PLEKHA8: variants seen among roughly 807,000 people sequenced by gnomAD.
The protein encoded by PLEKHA8 is pleckstrin homology domain-containing family A member 8.
A neutral mutation model predicts 68.2 loss-of-function variants in PLEKHA8; 36 were observed. That is an observed-to-expected ratio of 0.53 (90% CI 0.40 to 0.70). The LOEUF (loss-of-function observed/expected upper bound fraction) is 0.70. Ranked by LOEUF, PLEKHA8 falls within the 30% of genes least tolerant of loss-of-function variation. PLEKHA8 has a pLI of 0.00. For synonymous variants in PLEKHA8, 211 were observed against 216.1 expected (o/e 0.98, Z 0.20); for missense variants, 505 against 615.4 (o/e 0.82, Z 1.90).
downstream of PLEKHA8, among the ~76,000 whole-genome samples, chr7:30,089,035 C>T (rs1050261620): frequency 2.2e-4 from 34 of 152,158 alleles, no homozygotes; most frequent in Non-Finnish European, 2.1e-4. Context: ...CTGTGTCCCC[C>T]GTACATACAG....
intron 12 of PLEKHA8, among the ~76,000 whole-genome samples, chr7:30,065,478 A>G (rs1562526133): frequency 6.6e-6 from 1 of 151,920 alleles, no homozygotes; most frequent in African/African-American, 2.4e-5. Context: ...TTTTTGAGAA[A>G]TGTTTACACA....
intron 13 of PLEKHA8, among the ~76,000 whole-genome samples, chr7:30,115,608 T>C (rs796162738): frequency 6.6e-6 from 1 of 150,486 alleles, no homozygotes; most frequent in Non-Finnish European, 1.5e-5. Context: ...ATACATACAT[T>C]TATACATGCA....
chr7:30,079,116 G>A lies in PLEKHA8; in HGVS notation c.*329G>A. On this transcript the variant is annotated 3_prime_UTR_variant, in exon 14 of 14. Coordinates refer to ENST00000449726, the MANE Select transcript of PLEKHA8 (RefSeq NM_001197026.2). ...ATTGTTTTTATATTTTAGTCTAATG[G>A]GCCACCCAAACCCAAGCTGAAAATC... The A allele has an allele frequency of 2.9e-6, 3 of 1,032,326 alleles. No individual in the cohort carries two copies. Among genetic ancestry groups the A allele is most frequent in the South Asian group, 4.1e-5 (1 of 24,554 alleles). 63.9% of individuals were successfully genotyped at this position (1,032,326 alleles called of 1,614,324 possible). A position where few individuals can be genotyped will look rare whatever the true frequency, so the allele number is the denominator to read the frequency against.
At chr7:30,072,575 T>C (rs1236085482) in intron 12 of PLEKHA8, among the ~76,000 whole-genome samples, 2 of 152,266 alleles carry the variant, frequency 1.3e-5, no homozygotes, top group East Asian at 1.9e-4. Flanking sequence ...TGACTTCCCT[T>C]GGCAATGTCC....
chr7:30,030,899 ACT>A (rs923412384), intron 1 of PLEKHA8, among the ~76,000 whole-genome samples: 1 of 152,098 alleles, frequency 6.6e-6, no homozygotes, highest in African/African-American at 2.4e-5. Context: ...TTAAAAAGTA[ACT>A]TTTTTTTTCT....
rs199699634 is a variant in PLEKHA8, at chr7:30,113,010, C to G, written c.1363-16256C>G. Among the ~76,000 whole-genome samples, 273 of 152,194 alleles carry G rather than the reference C, an allele frequency of 1.8e-3. 1 individual carries two copies. Among genetic ancestry groups the G allele is most frequent in the Non-Finnish European group, 3.4e-3 (228 of 68,018 alleles). ...AAATAACCTTAGAACATTTTAACAC[C>G]AGTCACTTGCCTCTTGTCTGACATG... On this transcript the variant is annotated intron_variant, in intron 13 of 13. Transcript: ENST00000396257.
intron 13 of PLEKHA8, among the ~76,000 whole-genome samples, chr7:30,120,052 C>G (rs1016573): frequency 6.6e-6 from 1 of 151,582 alleles, no homozygotes; most frequent in Non-Finnish European, 1.5e-5. Context: ...ACAGTCTTCT[C>G]TGTGCTATCA....
intron 13 of PLEKHA8, among the ~76,000 whole-genome samples, chr7:30,112,958 T>C (rs144482826): frequency 9.4e-4 from 143 of 152,272 alleles, no homozygotes; most frequent in African/African-American, 3.4e-3. Context: ...AGTTTATCAG[T>C]ATCTCTACCT....
In PLEKHA8 at chr7:30,080,421, T is replaced by G; in HGVS notation, c.*1634T>G. ...CAGGGTAGAAGGTCCTTTGAGGGGC[T>G]TGGTTGAATTGAGAGCATCATCTCT... On this transcript the variant is annotated 3_prime_UTR_variant, in exon 14 of 14. Coordinates refer to ENST00000449726, the MANE Select transcript of PLEKHA8 (RefSeq NM_001197026.2). 1 of 985,220 alleles carries G rather than the reference T, an allele frequency of 1.0e-6. No homozygotes were observed. The highest frequency in any genetic ancestry group is 1.2e-6 in the Non-Finnish European group (1 of 829,878). 61.0% of individuals were successfully genotyped at this position (985,220 alleles called of 1,614,324 possible). A position where few individuals can be genotyped will look rare whatever the true frequency, so the allele number is the denominator to read the frequency against.
At chr7:30,097,449 CA>C (rs1795663981) in intron 13 of PLEKHA8, among the ~76,000 whole-genome samples, 1 of 152,228 alleles carries the variant, frequency 6.6e-6, no homozygotes, top group Admixed American at 6.5e-5. Flanking sequence ...TTCTCCCCAT[CA>C]CTTTCAGGTA....
chr7:30,124,137 A>T (rs761301879), intron 13 of PLEKHA8, among the ~76,000 whole-genome samples: 2 of 152,188 alleles, frequency 1.3e-5, no homozygotes, highest in Admixed American at 1.3e-4. Context: ...GAAGAAGAGT[A>T]ATTTTTCCTA....
chr7:30,067,603 A>G (rs1406429675), intron 12 of PLEKHA8, among the ~76,000 whole-genome samples: 1 of 152,214 alleles, frequency 6.6e-6, no homozygotes, highest in Admixed American at 6.5e-5. Context: ...TTTTCCAGAG[A>G]TCATCATCCT....
chr7:30,090,161 A>G (rs954292573), exon 13 of PLEKHA8: 19 of 1,550,620 alleles, frequency 1.2e-5, no homozygotes, highest in African/African-American at 6.8e-5. Context: ...AGGAAATCCA[A>G]CAGAAAACAC....
chr7:30,115,572 A>G (rs1386461374), intron 13 of PLEKHA8, among the ~76,000 whole-genome samples: 4 of 72,542 alleles, frequency 5.5e-5, no homozygotes, highest in African/African-American at 1.4e-4. Flanking sequence ...ACATATGTAT[A>G]CATGCACGTA....
chr7:30,129,378 C>A, exon 14 of PLEKHA8: 1 of 1,595,574 alleles, frequency 6.3e-7, no homozygotes, highest in Non-Finnish European at 8.6e-7. Context: ...GAGCTGAAAC[C>A]CTGATGATAA....
chr7:30,047,891 G>C lies in PLEKHA8; in HGVS notation c.373G>C (p.Asp125His). 2 of 1,608,576 alleles carry C rather than the reference G, an allele frequency of 1.2e-6. No homozygotes were observed. Among genetic ancestry groups the C allele is most frequent in the Non-Finnish European group, 1.7e-6 (2 of 1,175,966 alleles). The change falls in exon 4 of 14, where the codon GAC becomes CAC. Residue 125 changes from aspartate to histidine, a missense_variant. Physicochemically the swap from Asp to His is moderately conservative, Grantham distance 81 (BLOSUM62 -1). Coordinates refer to ENST00000449726, the MANE Select transcript of PLEKHA8 (RefSeq NM_001197026.2). ...AATGTCAGAACTAAGACTCTACTGT[G>C]ACCTCCTTGTTCAGCAAGTAGATAA... ...TKMSELRLYCDLLVQQVDKTK... is the reference protein window; with the variant it reads ...TKMSELRLYCHLLVQQVDKTK...
intron 13 of PLEKHA8, among the ~76,000 whole-genome samples, chr7:30,108,690 G>T (rs1421364629): frequency 6.6e-6 from 1 of 152,174 alleles, no homozygotes; most frequent in Admixed American, 6.5e-5. Flanking sequence ...ATGACCCTGA[G>T]AACTTACTCT....
In PLEKHA8 at chr7:30,083,950, C is replaced by G; in HGVS notation, c.*5163C>G. 1 of 985,442 alleles carries G rather than the reference C, an allele frequency of 1.0e-6. No individual in the cohort carries two copies. The highest frequency in any genetic ancestry group is 1.2e-6 in the Non-Finnish European group (1 of 829,900). 61.0% of individuals were successfully genotyped at this position (985,442 alleles called of 1,614,324 possible). ...GGAGTCAGTGTTGATAGGAAGGATG[C>G]TCTAGAAGTACTTCTGTTGTTTCCT... On this transcript the variant is annotated 3_prime_UTR_variant, in exon 14 of 14. Transcript: ENST00000449726.
chr7:30,081,831 T>TA lies in PLEKHA8; in HGVS notation c.*3048dup. The TA allele has an allele frequency of 1.7e-5, 17 of 985,438 alleles. No homozygotes were observed. Among genetic ancestry groups the TA allele is most frequent in the Non-Finnish European group, 2.0e-5 (17 of 829,908 alleles). 61.0% of individuals were successfully genotyped at this position (985,438 alleles called of 1,614,324 possible). ...ATCGTGCCTGTACTTTTCTCTATGG[T>TA]AAAAGCCAGTGTTTACACTTTGTAG... On this transcript the variant is annotated 3_prime_UTR_variant, in exon 14 of 14. Transcript: ENST00000449726.
Sources: allele counts gnomAD v4.1 joint callset (sites outside exome capture counted in the v4.1 genomes callset), GRCh38; gene constraint gnomAD v4.1.1; transcripts MANE v1.5; gene names NCBI Gene and HGNC (gene_info 2026-07-23, HGNC 2026-07-21).